CCDC141: variants seen among roughly 807,000 people sequenced by gnomAD.
CCDC141 encodes the protein coiled-coil domain-containing protein 141.
A neutral mutation model predicts 181.0 loss-of-function variants in CCDC141; 168 were observed. The observed-to-expected ratio is 0.93, with a 90% confidence interval of 0.82 to 1.05. The LOEUF (loss-of-function observed/expected upper bound fraction) is 1.05. Among genes scored for constraint, CCDC141 ranks in the 50% least tolerant of loss-of-function variants. The pLI is 0.00. For missense variants in CCDC141, 1,902 were observed against 1,788.5 expected, an observed-to-expected ratio of 1.06 and a Z score of -1.14; for synonymous variants, 666 against 642.3, an observed-to-expected ratio of 1.04 and a Z score of -0.56.
At chr2:178,986,320 A>T (rs1691734686) in intron 2 of CCDC141, among the ~76,000 whole-genome samples, 1 of 152,140 alleles carries the variant, frequency 6.6e-6, no homozygotes, top group Non-Finnish European at 1.5e-5. Flanking sequence ...CATATTTCAA[A>T]ATAATAAGAG....
At chr2:179,029,333 A>T (rs142406992) in intron 2 of CCDC141, among the ~76,000 whole-genome samples, 95 of 152,334 alleles carry the variant, frequency 6.2e-4, no homozygotes, top group Non-Finnish European at 1.0e-3. Flanking sequence ...AATGACTAAT[A>T]GTATTGTAGG....
Position 178,862,423 on chromosome 2 carries a change from G to T in CCDC141, c.2724+3344C>A, listed in dbSNP as rs577823567. On this transcript the variant is annotated intron_variant, in intron 17 of 23. Transcript: ENST00000443758. ...ATGTAAATGTAAAGGTACTGTTTTTGGTCAGGTTCAAAGAAGAAAGCATGC... is the reference window on the plus strand; with the variant it reads ...ATGTAAATGTAAAGGTACTGTTTTTTGTCAGGTTCAAAGAAGAAAGCATGC... 2.0e-5 allele frequency among the ~76,000 whole-genome samples: 3 copies of T among 152,192 alleles called. No individual in the cohort carries two copies. In the East Asian group the frequency reaches 5.8e-4, roughly 29 times the overall value.
chr2:178,922,686 A>G (rs986496562), intron 6 of CCDC141, among the ~76,000 whole-genome samples: 5 of 152,212 alleles, frequency 3.3e-5, no homozygotes, highest in African/African-American at 1.2e-4. Flanking sequence ...GAAGAGAAAT[A>G]CCTGTTCTCC....
At chr2:178,910,747 C>T (rs1424448076) in intron 7 of CCDC141, among the ~76,000 whole-genome samples, 1 of 152,224 alleles carries the variant, frequency 6.6e-6, no homozygotes, top group Non-Finnish European at 1.5e-5. Context: ...CCTTGCCTGT[C>T]AAAGGCAGTT....
Position 178,975,135 on chromosome 2 carries a change from A to G in CCDC141, c.448T>C (p.Phe150Leu). 1 of 1,513,022 alleles carries G rather than the reference A, an allele frequency of 6.6e-7. No homozygotes were observed. The highest frequency in any genetic ancestry group is 8.9e-7 in the Non-Finnish European group (1 of 1,119,108). 93.7% of individuals were successfully genotyped at this position (1,513,022 alleles called of 1,614,324 possible). A position where few individuals can be genotyped will look rare whatever the true frequency, so the allele number is the denominator to read the frequency against. ...TCAAACTCATGAGTATTCTGGAGGA[A>G]ATCTTCAGCTTGGTCTATTTTAATA... ...FAIKIDQAEDFLQNTHEFESA... is the reference protein window; with the variant it reads ...FAIKIDQAEDLLQNTHEFESA... The change falls in exon 4 of 24, where the codon TTC becomes CTC. Residue 150 changes from phenylalanine to leucine, a missense_variant. Transcript: ENST00000443758.
At chr2:178,997,472 T>C (rs1487397706) in intron 2 of CCDC141, among the ~76,000 whole-genome samples, 1 of 152,140 alleles carries the variant, frequency 6.6e-6, no homozygotes, top group African/African-American at 2.4e-5. Flanking sequence ...CAGGGCATGA[T>C]ACCCCAGCAT....
chr2:178,836,592 C>A, intron 23 of CCDC141: 1 of 230,638 alleles, frequency 4.3e-6, no homozygotes, highest in East Asian at 9.4e-5. Context: ...AATTTCAACC[C>A]ACAATCTTTA....
chr2:178,868,056 T>G lies in CCDC141; in HGVS notation c.2544A>C (p.Gly848=). The G allele has an allele frequency of 6.2e-7, 1 of 1,613,858 alleles. No homozygotes were observed. The highest frequency in any genetic ancestry group is 1.3e-5 in the African/African-American group (1 of 75,036). ...GCTGCACTGATGAGATGATGTCGAC[T>G]CCTAAGGAAAGGGCCAGTCTGTGGA... ...DHLHRLALSL[G]VDIISSVQRP... is the part of the protein sequence containing the mutation. Residue 848 remains glycine (G), a synonymous_variant, in exon 16 of 24, where the codon GGA becomes GGC. Coordinates refer to ENST00000443758, the MANE Select transcript of CCDC141 (RefSeq NM_173648.4).
chr2:178,946,580 A>G (rs1164131044), intron 5 of CCDC141, among the ~76,000 whole-genome samples: 1 of 152,182 alleles, frequency 6.6e-6, no homozygotes, highest in Non-Finnish European at 1.5e-5. Flanking sequence ...GAGTGGATGA[A>G]AAATGGGTAC....
intron 7 of CCDC141, among the ~76,000 whole-genome samples, chr2:178,913,414 CT>C (rs922833059): frequency 4.6e-5 from 7 of 152,068 alleles, no homozygotes; most frequent in African/African-American, 1.7e-4. Context: ...GGCAGGTTTT[CT>C]TAAAATTTCA....
chr2:179,036,949 G>A (rs1338588339), intron 2 of CCDC141, among the ~76,000 whole-genome samples: 1 of 152,226 alleles, frequency 6.6e-6, no homozygotes, highest in Admixed American at 6.5e-5. Flanking sequence ...TGTTATTACT[G>A]GTAAAGCTGG....
Position 179,027,646 on chromosome 2 carries a change from C to CAAAAAAAAAAAAAAAA in CCDC141, c.225+19622_225+19637dup. Among the ~76,000 whole-genome samples the CAAAAAAAAAAAAAAAA allele has an allele frequency of 1.2e-3, 63 of 53,272 alleles. 1 individual carries two copies. Among genetic ancestry groups the CAAAAAAAAAAAAAAAA allele is most frequent in the South Asian group, 4.0e-3 (3 of 750 alleles). The allele number at this position is 53,272 out of a possible 152,430, so 34.9% of individuals were successfully genotyped here. On this transcript the variant is annotated intron_variant, in intron 2 of 23. Transcript: ENST00000443758. ...GGCAACAGAGTGAGACTCTTACTCTCAAAAAAAAAAAAAAAAAAAAAAAAA... is the reference window on the plus strand; with the variant it reads ...GGCAACAGAGTGAGACTCTTACTCTCAAAAAAAAAAAAAAAAAAAAAAAAAAAAAAAAAAAAAAAAA...
chr2:178,836,836 AT>A (rs766658478), intron 23 of CCDC141, 57 bp downstream of exon 23: 2 of 1,550,138 alleles, frequency 1.3e-6, no homozygotes, highest in East Asian at 4.5e-5. Context: ...TCACAGAATG[AT>A]TTTTCTCTGT....
chr2:178,836,701 A>AT, intron 23 of CCDC141, 193 bp downstream of exon 23: 2 of 568,462 alleles, frequency 3.5e-6, no homozygotes, highest in Non-Finnish European at 5.9e-6. Context: ...GTTACCTTTT[A>AT]TTTTTCTTAA....
chr2:178,970,379 C>T lies in CCDC141; in HGVS notation c.526+4678G>A, dbSNP rs550494705. ...TACCTGACTTCAAACTATCCTACAA[C>T]GCTACGGTAAACAAAACAGCGTGAT... is the stretch of plus-strand genomic sequence containing the variant. On this transcript the variant is annotated intron_variant, in intron 4 of 23. Transcript: ENST00000443758. Among the ~76,000 whole-genome samples the T allele has an allele frequency of 7.5e-4, 114 of 152,224 alleles. 1 individual carries two copies. Among genetic ancestry groups the T allele is most frequent in the Admixed American group, 4.4e-3 (67 of 15,288 alleles).
At chr2:179,046,931 T>C (rs2043516221) in intron 2 of CCDC141, among the ~76,000 whole-genome samples, 1 of 152,234 alleles carries the variant, frequency 6.6e-6, no homozygotes, top group African/African-American at 2.4e-5. Flanking sequence ...GCAGGTATCA[T>C]TAACAATAGA....
At chr2:178,887,833 C>G (rs889134540) in intron 9 of CCDC141, among the ~76,000 whole-genome samples, 11 of 152,180 alleles carry the variant, frequency 7.2e-5, no homozygotes, top group African/African-American at 2.7e-4. Context: ...TGAGACCAAG[C>G]CTCTGCAGCA....
At chr2:178,925,739 G>C (rs563287353) in intron 6 of CCDC141, among the ~76,000 whole-genome samples, 1 of 151,948 alleles carries the variant, frequency 6.6e-6, no homozygotes, top group Non-Finnish European at 1.5e-5. Flanking sequence ...TAAAAGTCTA[G>C]CTGGCCAAAA....
intron 2 of CCDC141, among the ~76,000 whole-genome samples, chr2:179,035,901 C>A (rs1431638040): frequency 6.6e-6 from 1 of 152,192 alleles, no homozygotes; most frequent in African/African-American, 2.4e-5. Context: ...GAATTAGTAG[C>A]CATCTTTCAT....
Sources: allele counts gnomAD v4.1 joint callset (sites outside exome capture counted in the v4.1 genomes callset), GRCh38; gene constraint gnomAD v4.1.1; transcripts MANE v1.5; gene names NCBI Gene and HGNC (gene_info 2026-07-23, HGNC 2026-07-21).